Variants in NBPF3 observed in about 807,000 individuals in gnomAD.
The protein encoded by NBPF3 is NBPF member 3.
NBPF3 carries 57 observed loss-of-function variants against 78.1 expected under a neutral mutation model. The ratio of observed to expected loss-of-function variants is 0.73; its 90% CI spans 0.59 to 0.91. The LOEUF is 0.91. Among genes scored for constraint, NBPF3 ranks in the 40% least tolerant of loss-of-function variants. The pLI is 0.00. For missense variants in NBPF3, 510 were observed against 715.3 expected (o/e 0.71, Z 3.27); for synonymous variants, 182 against 271.7 (o/e 0.67, Z 3.25).
At chr1:21,467,428 A>G (rs1642336761) in intron 2 of NBPF3, 1 of 912,280 alleles carries the variant, frequency 1.1e-6, no homozygotes, top group South Asian at 5.1e-5. Context: ...TCAGGGGATC[A>G]CTCTTTCCTA....
upstream of NBPF3, among the ~76,000 whole-genome samples, chr1:21,438,463 C>A (rs1176881908): frequency 6.6e-6 from 1 of 152,154 alleles, no homozygotes; most frequent in Non-Finnish European, 1.5e-5. Flanking sequence ...TTTTTCTCAT[C>A]TGTAGGATAG....
intron 2 of NBPF3, chr1:21,459,929 A>ACC: frequency 3.3e-5 from 1 of 30,250 alleles, no homozygotes; most frequent in South Asian, 1.9e-3. Flanking sequence ...AGTCTTTGCC[A>ACC]ACCAGGACAC....
rs1420864153 is a variant in NBPF3, at chr1:21,484,247, C to CA, written c.*866dup. 2.8e-5 allele frequency: 4 copies of CA among 142,830 alleles called. No individual in the cohort carries two copies. The highest frequency in any genetic ancestry group is 2.2e-4 in the Admixed American group (3 of 13,934). 8.8% of individuals were successfully genotyped at this position (142,830 alleles called of 1,614,324 possible). On this transcript the variant is annotated 3_prime_UTR_variant, in exon 15 of 15. Transcript: ENST00000318249. Reference sequence around the variant, plus strand: ...GTCCACGTCACCACGAATCACACAACAAAAAGGAGGAGAGATATTTTGGGT... The same window carrying CA: ...GTCCACGTCACCACGAATCACACAACAAAAAAGGAGGAGAGATATTTTGGGT...
In NBPF3 at chr1:21,472,832, T is replaced by C; in HGVS notation, c.662-11T>C. On this transcript the variant is annotated splice_polypyrimidine_tract_variant and intron_variant, in intron 5 of 14. Coordinates refer to ENST00000318249, the MANE Select transcript of NBPF3 (RefSeq NM_032264.6). ...TGGGAAATATCTGAATGAACACTTC[T>C]GTATTTACAGAAAATGATGACGATG... The C allele has an allele frequency of 6.2e-7, 1 of 1,601,722 alleles. No individual in the cohort carries two copies. The highest frequency in any genetic ancestry group is 8.6e-7 in the Non-Finnish European group (1 of 1,168,794).
intron 3 of NBPF3, among the ~76,000 whole-genome samples, chr1:21,469,115 G>T (rs575497760): frequency 1.3e-5 from 2 of 152,200 alleles, no homozygotes; most frequent in Non-Finnish European, 2.9e-5. Flanking sequence ...TGGGCCTAGA[G>T]TTAAAATCGC....
rs1641889744 is a variant in NBPF3 at position 21,460,439 on chromosome 1, T to C, written c.134-8249T>C. On this transcript the variant is annotated intron_variant, in intron 2 of 14. Transcript: ENST00000318249. The surrounding 1 kb of genome is among the most constrained non-coding windows in gnomAD (Gnocchi z 4.2). ...CCGCCCTGTGTCCAAGTGTTCTCATTGTTCAGTTCCCATCCATGAGTGAGA... is the reference window on the plus strand; with the variant it reads ...CCGCCCTGTGTCCAAGTGTTCTCATCGTTCAGTTCCCATCCATGAGTGAGA... 1.3e-5 allele frequency among the ~76,000 whole-genome samples: 2 copies of C among 152,206 alleles called. No individual in the cohort carries two copies. The highest frequency in any genetic ancestry group is 2.9e-5 in the Non-Finnish European group (2 of 68,042).
chr1:21,437,715 C>G (rs931229572), upstream of NBPF3, among the ~76,000 whole-genome samples: 1 of 151,434 alleles, frequency 6.6e-6, no homozygotes, highest in Non-Finnish European at 1.5e-5. Flanking sequence ...AGTGCAGTGG[C>G]GAGATCTCGG....
At chr1:21,472,952 A>G (rs776404095) in intron 6 of NBPF3, 37 bp downstream of exon 6, 6 of 1,481,958 alleles carry the variant, frequency 4.0e-6, no homozygotes, top group African/African-American at 1.4e-5. Context: ...AATGGGTGGT[A>G]ACATATGAAA....
In NBPF3 at chr1:21,483,134, C is replaced by A. The variant is rs759455016; in HGVS notation, c.1659-9C>A. 1.9e-6 allele frequency: 3 copies of A among 1,612,156 alleles called. No homozygotes were observed. Among genetic ancestry groups the A allele is most frequent in the Non-Finnish European group, 2.5e-6 (3 of 1,179,548 alleles). On this transcript the variant is annotated splice_polypyrimidine_tract_variant and intron_variant, in intron 14 of 14. Coordinates refer to ENST00000318249, the MANE Select transcript of NBPF3 (RefSeq NM_032264.6). ...CTGGCTGCTTCTTTAGTTTTGTCTC[C>A]TTTTCCAGGCTCAACGAGGTGCTGA...
upstream of NBPF3, among the ~76,000 whole-genome samples, chr1:21,437,041 G>A (rs889890290): frequency 6.6e-6 from 1 of 151,254 alleles, no homozygotes; most frequent in African/African-American, 2.5e-5. Context: ...TTGGGCAGCT[G>A]GGGGTGGGTG....
At chr1:21,439,844 C>T (rs1406666070), upstream of NBPF3, among the ~76,000 whole-genome samples, 1 of 152,160 alleles carries the variant, frequency 6.6e-6, no homozygotes, top group East Asian at 1.9e-4. Flanking sequence ...TTTAACCTGG[C>T]AGGGGCGGTT....
At chr1:21,461,001 A>G (rs908199788) in intron 2 of NBPF3, among the ~76,000 whole-genome samples, 2 of 152,246 alleles carry the variant, frequency 1.3e-5, no homozygotes, top group Non-Finnish European at 2.9e-5. Context: ...TATCTTACTG[A>G]ACATTAGGCA....
rs774071495 is a variant in NBPF3, at chr1:21,468,768, A to C, written c.214A>C (p.Asn72His). 6.2e-7 allele frequency: 1 copy of C among 1,613,938 alleles called. No individual in the cohort carries two copies. The highest frequency in any genetic ancestry group is 8.5e-7 in the Non-Finnish European group (1 of 1,179,828). ...GPWSGEKAEM[N>H]ILEINKKSRP... ...TTGGTCCGGTGAGAAGGCAGAGATG[A>C]ACATTCTAGAAATCAACAAGAAATC... Residue 72 changes from asparagine (N) to histidine (H), a missense_variant, in exon 3 of 15, where the codon AAC becomes CAC. This residue lies in a region of NBPF3 where 440 missense variants were observed against 478.2 expected (regional missense o/e 0.92). Coordinates refer to ENST00000318249, the MANE Select transcript of NBPF3 (RefSeq NM_032264.6).
intron 1 of NBPF3, 43 bp downstream of exon 1, chr1:21,440,391 C>T (rs1640554401): frequency 6.6e-6 from 1 of 151,204 alleles, no homozygotes; most frequent in Admixed American, 6.6e-5. Flanking sequence ...GAATCCGGGA[C>T]CGGCGGGCGC....
intron 2 of NBPF3, among the ~76,000 whole-genome samples, chr1:21,447,323 G>A (rs1345710454): frequency 1.3e-5 from 2 of 152,130 alleles, no homozygotes; most frequent in Non-Finnish European, 2.9e-5. Context: ...CAGATTATGG[G>A]TTTTGGCAAT....
chr1:21,457,480 GAATA>G (rs1404420014), intron 2 of NBPF3, among the ~76,000 whole-genome samples: 5 of 151,912 alleles, frequency 3.3e-5, no homozygotes, highest in African/African-American at 7.2e-5. Context: ...CAAAAGACTT[GAATA>G]GATACTTCAG....
At chr1:21,457,363 T>TGTATGTATATATATA (rs1470554688) in intron 2 of NBPF3, among the ~76,000 whole-genome samples, 4 of 98,278 alleles carry the variant, frequency 4.1e-5, no homozygotes, top group African/African-American at 7.2e-5. Context: ...TATATATATA[T>TGTATGTATATATATA]GTATGTATAT....
chr1:21,478,741 C>A (rs1422124574), intron 9 of NBPF3, among the ~76,000 whole-genome samples: 1 of 152,226 alleles, frequency 6.6e-6, no homozygotes, highest in Non-Finnish European at 1.5e-5. Context: ...CCTTGTCTAC[C>A]TCTCCGTGGA....
rs187685692 is a variant in NBPF3 at position 21,448,056 on chromosome 1, G to A, written c.133+2837G>A. 2.5e-4 allele frequency among the ~76,000 whole-genome samples: 38 copies of A among 151,778 alleles called. 1 individual carries two copies. Among genetic ancestry groups the A allele is most frequent in the African/African-American group, 8.5e-4 (35 of 41,358 alleles). ...AGCAGTTTTTCCATCAGATTATTTT[G>A]TAAATATTTTCTGCCAGTCTGTGAC... On this transcript the variant is annotated intron_variant, in intron 2 of 14. Coordinates refer to ENST00000318249, the MANE Select transcript of NBPF3 (RefSeq NM_032264.6).
Sources: gnomAD v4.1 joint callset for allele counts (sites outside exome capture counted in the v4.1 genomes callset) on GRCh38, gnomAD v4.1.1 for gene constraint, gnomAD v4.1.1 regional missense constraint, Gnocchi (gnomAD v3.1) non-coding constraint, MANE v1.5 for transcripts, NCBI Gene and HGNC (gene_info 2026-07-23, HGNC 2026-07-21) for gene names.